SLC18B1: variants seen among roughly 807,000 people sequenced by gnomAD.
SLC18B1 encodes the protein solute carrier family 18 member B1.
A neutral mutation model predicts 53.9 loss-of-function variants in SLC18B1; 62 were observed. The ratio of observed to expected loss-of-function variants is 1.15; its 90% CI spans 0.94 to 1.42. SLC18B1 has a LOEUF of 1.42. Ranked by LOEUF, SLC18B1 falls within the 40% of genes most tolerant of loss-of-function variation. The pLI is 0.00. For synonymous variants in SLC18B1, 217 were observed against 200.9 expected (o/e 1.08, Z -0.68); for missense variants, 598 against 547.3 (o/e 1.09, Z -0.93).
chr6:132,772,304 C>G, intron 10 of SLC18B1, 98 bp from the exon 11 acceptor site: 1 of 697,142 alleles, frequency 1.4e-6, no homozygotes, highest in South Asian at 2.6e-5. Context: ...CAAGGATAAT[C>G]TGGAAAAAAA....
chr6:132,774,408 A>C lies in SLC18B1; in HGVS notation c.898-95T>G, dbSNP rs1781051513. 1.2e-5 allele frequency: 11 copies of C among 947,756 alleles called. No homozygotes were observed. The South Asian group carries it at 1.8e-4, about 15-fold the overall frequency. 58.7% of individuals were successfully genotyped at this position (947,756 alleles called of 1,614,324 possible). A position where few individuals can be genotyped will look rare whatever the true frequency, so the allele number is the denominator to read the frequency against. On this transcript the variant is annotated intron_variant, in intron 8 of 13. Coordinates refer to ENST00000275227, the MANE Select transcript of SLC18B1 (RefSeq NM_052831.3). ...ACATTAGTAAAAAACACAAATCATG[A>C]TATTCAAAAACCCAAATACAATGAA...
chr6:132,770,366 C>T (rs200905973), intron 13 of SLC18B1, 30 bp from the exon 14 acceptor site: 2 of 1,534,686 alleles, frequency 1.3e-6, no homozygotes, highest in African/African-American at 1.4e-5. Flanking sequence ...AGATGAATCT[C>T]AATATTTCTC....
At chr6:132,780,218 A>G (rs1781198662) in intron 6 of SLC18B1, among the ~76,000 whole-genome samples, 1 of 151,770 alleles carries the variant, frequency 6.6e-6, no homozygotes. Flanking sequence ...CTCCTGTCTC[A>G]GCTTCCCAAG....
At chr6:132,787,958 G>A (rs973429897) in intron 4 of SLC18B1, among the ~76,000 whole-genome samples, 3 of 151,952 alleles carry the variant, frequency 2.0e-5, no homozygotes, top group Admixed American at 1.3e-4. Context: ...TCAGGAGATC[G>A]AGACCATCCT....
In SLC18B1 at chr6:132,784,016, A is replaced by C; in HGVS notation, c.575T>G (p.Phe192Cys). Residue 192 changes from phenylalanine (F) to cysteine (C), a missense_variant, in exon 6 of 14, where the codon TTT becomes TGT. Transcript: ENST00000275227. Reference sequence around the variant, plus strand: ...AACAATAAAAGGCACTTCATAGCCAAAGGATTGATACAAAAAGCCACCTAC... The same window carrying C: ...AACAATAAAAGGCACTTCATAGCCACAGGATTGATACAAAAAGCCACCTAC... ...PPVGGFLYQS[F>C]GYEVPFIVLG... 1 of 1,611,416 alleles carries C rather than the reference A, an allele frequency of 6.2e-7. No homozygotes were observed. Among genetic ancestry groups the C allele is most frequent in the Non-Finnish European group, 8.5e-7 (1 of 1,178,850 alleles).
At position 132,776,343 on chromosome 6, in the gene SLC18B1, T is replaced by C. The variant is rs771545584; in HGVS notation, c.882A>G (p.Leu294=). ...GTGTACGTACTGGCCTTTTATCACT[T>C]AGGAGACCAAATAGTGGTGAAGAGA... The part of the protein sequence containing the change: ...YAISSPLFGL[L]SDKRPPLRKW... The change falls in exon 8 of 14, where the codon CTA becomes CTG. Residue 294 remains leucine, a synonymous_variant. Coordinates refer to ENST00000275227, the MANE Select transcript of SLC18B1 (RefSeq NM_052831.3). 1.2e-6 allele frequency: 2 copies of C among 1,613,280 alleles called. No individual in the cohort carries two copies. Among genetic ancestry groups the C allele is most frequent in the Non-Finnish European group, 1.7e-6 (2 of 1,179,504 alleles).
intron 6 of SLC18B1, among the ~76,000 whole-genome samples, chr6:132,782,834 G>T (rs1176179593): frequency 1.3e-5 from 2 of 151,552 alleles, no homozygotes; most frequent in African/African-American, 4.9e-5. Flanking sequence ...GAGCGCAGTG[G>T]CATGATCTTG....
At chr6:132,786,513 C>T (rs1781376929) in intron 5 of SLC18B1, among the ~76,000 whole-genome samples, 1 of 144,852 alleles carries the variant, frequency 6.9e-6, no homozygotes, top group Non-Finnish European at 1.5e-5. Flanking sequence ...CGCTCCACTG[C>T]ACTCCAGCCT....
chr6:132,771,810 G>A (rs1267253849), intron 11 of SLC18B1, among the ~76,000 whole-genome samples: 1 of 152,160 alleles, frequency 6.6e-6, no homozygotes, highest in African/African-American at 2.4e-5. Context: ...AATTAAATGA[G>A]GCTGGGCACA....
intron 5 of SLC18B1, among the ~76,000 whole-genome samples, chr6:132,784,671 G>C (rs1437282438): frequency 1.3e-5 from 2 of 151,616 alleles, no homozygotes; most frequent in East Asian, 3.8e-4. Context: ...TGGCAATTTG[G>C]CAAATTGAGG....
At chr6:132,771,201 A>T in intron 11 of SLC18B1, 72 bp from the exon 12 acceptor site, 1 of 1,344,916 alleles carries the variant, frequency 7.4e-7, no homozygotes, top group Non-Finnish European at 1.1e-6. Flanking sequence ...AAGCTACATG[A>T]TCCTTCAATT....
At chr6:132,776,817 T>G (rs948152256) in intron 7 of SLC18B1, among the ~76,000 whole-genome samples, 1 of 152,172 alleles carries the variant, frequency 6.6e-6, no homozygotes, top group African/African-American at 2.4e-5. Context: ...GAAAATAAAT[T>G]TCTAAAGATT....
At chr6:132,780,096 T>A (rs1781194633) in intron 6 of SLC18B1, among the ~76,000 whole-genome samples, 1 of 132,206 alleles carries the variant, frequency 7.6e-6, no homozygotes. Flanking sequence ...GAAAGCTTTT[T>A]TTTCTTTTTT....
intron 2 of SLC18B1, among the ~76,000 whole-genome samples, chr6:132,790,935 G>A (rs1488939619): frequency 6.6e-6 from 1 of 152,086 alleles, no homozygotes; most frequent in East Asian, 1.9e-4. Context: ...TTCTATCAGG[G>A]AGCTCCTAAA....
chr6:132,775,447 T>A (rs1020645510), intron 8 of SLC18B1, among the ~76,000 whole-genome samples: 2 of 152,232 alleles, frequency 1.3e-5, no homozygotes, highest in African/African-American at 2.4e-5. Flanking sequence ...TGTAAGATTA[T>A]GTCTGAAAAC....
intron 2 of SLC18B1, among the ~76,000 whole-genome samples, chr6:132,792,506 A>C (rs1436786470): frequency 6.6e-6 from 1 of 152,132 alleles, no homozygotes; most frequent in Non-Finnish European, 1.5e-5. Flanking sequence ...TATAATGCCT[A>C]TAGCAATTAA....
At chr6:132,776,054 G>A (rs534339384) in intron 8 of SLC18B1, among the ~76,000 whole-genome samples, 10 of 152,316 alleles carry the variant, frequency 6.6e-5, no homozygotes, top group African/African-American at 2.2e-4. Context: ...GGACGACAAA[G>A]TTGGGGGAAG....
chr6:132,783,853 A>G, intron 6 of SLC18B1, 80 bp downstream of exon 6: 5 of 1,120,868 alleles, frequency 4.5e-6, no homozygotes, highest in Non-Finnish European at 5.9e-6. Context: ...ATATAAAATA[A>G]TAACTGGTAA....
At chr6:132,776,067 A>G (rs1260153537) in intron 8 of SLC18B1, among the ~76,000 whole-genome samples, 1 of 152,208 alleles carries the variant, frequency 6.6e-6, no homozygotes, top group Admixed American at 6.5e-5. Context: ...GGGGGAAGAA[A>G]TTAGAAAAGG....
Sources: allele counts gnomAD v4.1 joint callset (sites outside exome capture counted in the v4.1 genomes callset), GRCh38; gene constraint gnomAD v4.1.1; transcripts MANE v1.5; gene names NCBI Gene and HGNC (gene_info 2026-07-23, HGNC 2026-07-21).